IRX6: variants seen among roughly 807,000 people sequenced by gnomAD.
IRX6 encodes the protein iroquois-class homeodomain protein IRX-6.
Under a neutral mutation model 47.7 loss-of-function variants are expected in IRX6, and 46 were observed. The ratio of observed to expected loss-of-function variants is 0.96; its 90% CI spans 0.76 to 1.23. The LOEUF (loss-of-function observed/expected upper bound fraction) is 1.23. IRX6 is among the 50% of genes most tolerant of loss of function. The probability of loss-of-function intolerance (pLI) is 0.00; values close to 1 mark genes in which losing one functional copy is unlikely to be tolerated. For missense variants in IRX6, 722 were observed against 588.0 expected, an observed-to-expected ratio of 1.23 and a Z score of -2.36; for synonymous variants, 265 against 246.2, an observed-to-expected ratio of 1.08 and a Z score of -0.72.
chr16:55,327,619 C>T lies in IRX6; in HGVS notation c.447C>T (p.Arg149=). The T allele has an allele frequency of 1.9e-6, 3 of 1,609,252 alleles. No individual in the cohort carries two copies. The highest frequency in any genetic ancestry group is 2.5e-6 in the Non-Finnish European group (3 of 1,178,382). Residue 149 remains arginine, a synonymous_variant, in exon 4 of 6, where the codon CGC becomes CGT. Transcript: ENST00000290552. The part of the protein sequence containing the change: ...YGAVELSGAG[R]RKNATRETTS... The stretch of plus-strand genomic sequence containing the variant: ...CAGTGGAATTGAGTGGCGCCGGTCG[C>T]CGAAAGAACGCGACCCGGGAGACCA...
chr16:55,326,231 T>C, intron 1 of IRX6, 105 bp from the exon 2 acceptor site: 3 of 996,408 alleles, frequency 3.0e-6, no homozygotes, highest in Non-Finnish European at 4.4e-6. Context: ...AGCAATCTGA[T>C]TATCTGATTT....
Position 55,327,908 on chromosome 16 carries a change from C to A in IRX6, c.721+15C>A. On this transcript the variant is annotated intron_variant, in intron 4 of 5. Coordinates refer to ENST00000290552, the MANE Select transcript of IRX6 (RefSeq NM_024335.3). ...TGACACCAAAGGTACTGAAAACGTT[C>A]ACCACCCCACCTTAAGGGTTTTACA... 1 of 1,574,034 alleles carries A rather than the reference C, an allele frequency of 6.4e-7. No homozygotes were observed. The highest frequency in any genetic ancestry group is 1.2e-5 in the South Asian group (1 of 83,806).
Position 55,328,970 on chromosome 16 carries a change from C to T in IRX6, c.992C>T (p.Ser331Leu), listed in dbSNP as rs573206927. ...PSGSEEADFL[S>L]AETGSPRLTM... ...GGATCGGAAGAAGCTGACTTCCTCT[C>T]GGCGGAGACAGGCAGCCCTAGGTTG... The change falls in exon 5 of 6, where the codon TCG (serine) becomes TTG (leucine). Residue 331 changes from serine to leucine, a missense_variant. Transcript: ENST00000290552. 5.0e-6 allele frequency: 8 copies of T among 1,613,728 alleles called. No individual in the cohort carries two copies. In the East Asian group the frequency reaches 1.6e-4, roughly 31 times the overall value.
At position 55,328,714 on chromosome 16, in the gene IRX6, C is replaced by T; in HGVS notation, c.736C>T (p.Gln246Ter). The T allele has an allele frequency of 6.2e-7, 1 of 1,613,108 alleles. No homozygotes were observed. The highest frequency in any genetic ancestry group is 8.5e-7 in the Non-Finnish European group (1 of 1,179,956). The part of the protein sequence containing the change: ...TADTKEVTAS[Q>*]EARGLRLSDL... ...ATTTCCTGCAGAAGTTACTGCTAGCCAGGAGGCCCGGGGGCTCCGGCTGAG... is the reference window on the plus strand; with the variant it reads ...ATTTCCTGCAGAAGTTACTGCTAGCTAGGAGGCCCGGGGGCTCCGGCTGAG... Residue 246 changes from glutamine to a stop codon, truncating the protein, a stop_gained, in exon 5 of 6, where the codon CAG (glutamine) becomes TAG (stop). Transcript: ENST00000290552. LOFTEE classifies it high-confidence loss of function.
At position 55,327,749 on chromosome 16, in the gene IRX6, G is replaced by C. The variant is rs777321126; in HGVS notation, c.577G>C (p.Val193Leu). Residue 193 changes from valine to leucine, a missense_variant, in exon 4 of 6, where the codon GTG becomes CTG. Val to Leu is a conservative substitution (Grantham distance 32). Coordinates refer to ENST00000290552, the MANE Select transcript of IRX6 (RefSeq NM_024335.3). ...AIITKMTLTQ[V>L]STWFANARRR... ...CATCACCAAGATGACCCTCACCCAGGTGTCCACCTGGTTCGCCAACGCACG... is the reference window on the plus strand; with the variant it reads ...CATCACCAAGATGACCCTCACCCAGCTGTCCACCTGGTTCGCCAACGCACG... 18 of 1,612,304 alleles carry C rather than the reference G, an allele frequency of 1.1e-5. No individual in the cohort carries two copies. Among genetic ancestry groups the C allele is most frequent in the Non-Finnish European group, 1.4e-5 (17 of 1,179,948 alleles).
Position 55,324,297 on chromosome 16 carries a change from C to G in IRX6, c.-795C>G, listed in dbSNP as rs900260032. ...CACTCAGACTCCTGTCTCCCCTCTC[C>G]CCTCCTCCTTCTCCCTCTTGCCTTT... On this transcript the variant is annotated 5_prime_UTR_variant, in exon 1 of 6. Coordinates refer to ENST00000290552, the MANE Select transcript of IRX6 (RefSeq NM_024335.3). The surrounding 1 kb of genome is among the most constrained non-coding windows in gnomAD (Gnocchi z 4.4). 1.6e-4 allele frequency: 24 copies of G among 151,488 alleles called. No homozygotes were observed. The highest frequency in any genetic ancestry group is 5.8e-4 in the African/African-American group (24 of 41,224). The allele number at this position is 151,488 out of a possible 1,614,324, so 9.4% of individuals were successfully genotyped here. A position where few individuals can be genotyped will look rare whatever the true frequency, so the allele number is the denominator to read the frequency against.
intron 1 of IRX6, 36 bp from the exon 2 acceptor site, chr16:55,326,300 C>G: frequency 6.4e-7 from 1 of 1,555,876 alleles, no homozygotes; most frequent in Non-Finnish European, 8.7e-7. Context: ...GGGGGGGGGT[C>G]TCTGACCTCC....
At chr16:55,328,609 C>A (rs117954908) in intron 4 of IRX6, 91 bp from the exon 5 acceptor site, 23 of 1,316,228 alleles carry the variant, frequency 1.7e-5, no homozygotes, top group Non-Finnish European at 2.4e-5. Flanking sequence ...GAGTGCAGGG[C>A]GCTTCTTGCT....
At chr16:55,325,385 G>A (rs527933996) in intron 1 of IRX6, among the ~76,000 whole-genome samples, 2 of 151,512 alleles carry the variant, frequency 1.3e-5, no homozygotes, top group South Asian at 4.2e-4. Context: ...CAGTGAGGTG[G>A]GTGGGATCAC....
chr16:55,327,583 C>A lies in IRX6; in HGVS notation c.414-3C>A. On this transcript the variant is annotated splice_polypyrimidine_tract_variant and splice_region_variant and intron_variant, in intron 3 of 5. Coordinates refer to ENST00000290552, the MANE Select transcript of IRX6 (RefSeq NM_024335.3). ...ATAATGTGAGCCAGGTTCTCCCCCA[C>A]AGGTATGGCGCAGTGGAATTGAGTG... 1 of 1,591,384 alleles carries A rather than the reference C, an allele frequency of 6.3e-7. No homozygotes were observed. Among genetic ancestry groups the A allele is most frequent in the Non-Finnish European group, 8.6e-7 (1 of 1,168,776 alleles).
chr16:55,329,042 C>T lies in IRX6; in HGVS notation c.1064C>T (p.Ala355Val), dbSNP rs1430985734. 1.9e-6 allele frequency: 3 copies of T among 1,613,856 alleles called. No homozygotes were observed. Among genetic ancestry groups the T allele is most frequent in the Admixed American group, 1.7e-5 (1 of 60,008 alleles). The change falls in exon 5 of 6, where the codon GCG becomes GTG. Residue 355 changes from alanine (A) to valine (V), a missense_variant. By Grantham distance (64) the Ala-to-Val change is moderately conservative. Transcript: ENST00000290552. ...GAGAAACCGCGCATCTGGTCTCTGG[C>T]GCACACCGCGACAGCCAGCGCTGTT... is the stretch of plus-strand genomic sequence containing the variant. ...CLEKPRIWSL[A>V]HTATASAVEG...
intron 1 of IRX6, chr16:55,325,844 T>A (rs1960511861): frequency 6.4e-6 from 1 of 156,520 alleles, no homozygotes; most frequent in Non-Finnish European, 1.4e-5. Context: ...TATTTTCCTG[T>A]TGTCTAGTGC....
chr16:55,326,569 G>A lies in IRX6; in HGVS notation c.279G>A (p.Glu93=), dbSNP rs117725378. 5.1e-6 allele frequency: 8 copies of A among 1,565,640 alleles called. No homozygotes were observed. In the East Asian group the frequency reaches 1.9e-4, roughly 37 times the overall value. The part of the protein sequence containing the change: ...SYPGYLPYSP[E]PPSLYGALNP... ...CTGGCTACCTGCCCTATAGCCCAGA[G>A]CCCCCCTCACTGTATGGGGCACTGG... The change falls in exon 2 of 6, where the codon GAG becomes GAA. Residue 93 remains glutamate (E), a synonymous_variant. Transcript: ENST00000290552.
intron 1 of IRX6, 56 bp downstream of exon 1, chr16:55,325,192 T>A (rs1258721367): frequency 1.9e-6 from 3 of 1,555,562 alleles, no homozygotes; most frequent in Middle Eastern, 1.7e-4. Context: ...GAGTGCCTAG[T>A]GCACGGCGCC....
At position 55,327,424 on chromosome 16, in the gene IRX6, T is replaced by C; in HGVS notation, c.413+19T>C. ...ATGAACGGTAAGGAGTGAAGGGCCT[T>C]GGTGACTGGCACTGTGAGTCTTTCC... On this transcript the variant is annotated intron_variant, in intron 3 of 5. Coordinates refer to ENST00000290552, the MANE Select transcript of IRX6 (RefSeq NM_024335.3). The C allele has an allele frequency of 6.3e-7, 1 of 1,596,270 alleles. No individual in the cohort carries two copies. Among genetic ancestry groups the C allele is most frequent in the African/African-American group, 1.3e-5 (1 of 74,630 alleles).
chr16:55,327,610 C>A lies in IRX6; in HGVS notation c.438C>A (p.Gly146=). The change falls in exon 4 of 6, where the codon GGC becomes GGA. Residue 146 remains glycine (G), a synonymous_variant. Transcript: ENST00000290552. The part of the protein sequence containing the change: ...YERYGAVELS[G]AGRRKNATRE... ...GGTATGGCGCAGTGGAATTGAGTGG[C>A]GCCGGTCGCCGAAAGAACGCGACCC... The A allele has an allele frequency of 6.2e-7, 1 of 1,606,218 alleles. No individual in the cohort carries two copies. Among genetic ancestry groups the A allele is most frequent in the South Asian group, 1.1e-5 (1 of 89,756 alleles).
chr16:55,329,659 T>C (rs1323850483), intron 5 of IRX6, among the ~76,000 whole-genome samples: 1 of 149,342 alleles, frequency 6.7e-6, no homozygotes, highest in East Asian at 2.0e-4. Context: ...ACAAACGCCC[T>C]TGTCCCCTGC....
Position 55,326,577 on chromosome 16 carries a change from C to T in IRX6, c.287C>T (p.Ser96Leu), listed in dbSNP as rs1410786633. The T allele has an allele frequency of 1.9e-6, 3 of 1,560,130 alleles. No homozygotes were observed. The African/African-American group carries it at 4.1e-5, about 21-fold the overall frequency. Reference protein sequence around the residue: ...GYLPYSPEPPSLYGALNPQYE... With the variant: ...GYLPYSPEPPLLYGALNPQYE... The stretch of plus-strand genomic sequence containing the variant: ...CTGCCCTATAGCCCAGAGCCCCCCT[C>T]ACTGTATGGGGCACTGGTGAGTACA... Residue 96 changes from serine (S) to leucine (L), a missense_variant, in exon 2 of 6, where the codon TCA becomes TTA. Transcript: ENST00000290552.
chr16:55,330,464 G>A lies in IRX6; in HGVS notation c.*159G>A, dbSNP rs576211807. ...ACCCTCCTAGCAGCTGTCCTTGCAC[G>A]CAGAGCTGGGGTGGTGGGCCGACTT... On this transcript the variant is annotated 3_prime_UTR_variant, in exon 6 of 6. Transcript: ENST00000290552. 8.0e-6 allele frequency: 6 copies of A among 746,490 alleles called. No individual in the cohort carries two copies. The highest frequency in any genetic ancestry group is 2.5e-5 in the East Asian group (1 of 39,550). 46.2% of individuals were successfully genotyped at this position (746,490 alleles called of 1,614,324 possible).
Sources: gnomAD v4.1 joint callset for allele counts (sites outside exome capture counted in the v4.1 genomes callset) on GRCh38, gnomAD v4.1.1 for gene constraint, Gnocchi (gnomAD v3.1) non-coding constraint, MANE v1.5 for transcripts, NCBI Gene and HGNC (gene_info 2026-07-23, HGNC 2026-07-21) for gene names.